The following ZNF135 variants were observed in gnomAD, a reference collection of about 807,000 sequenced individuals.
ZNF135 encodes zinc finger protein 135 (clone pHZ-17).
ZNF135 carries 11 observed loss-of-function variants against 12.3 expected under a neutral mutation model. The ratio of observed to expected loss-of-function variants is 0.89; its 90% CI spans 0.56 to 1.48. The LOEUF (loss-of-function observed/expected upper bound fraction) is 1.48. ZNF135 is among the 40% of genes most tolerant of loss of function. ZNF135 has a pLI of 0.00. For synonymous variants in ZNF135, 316 were observed against 312.0 expected (o/e 1.01, Z -0.14); for missense variants, 722 against 815.7 (o/e 0.89, Z 1.40).
chr19:58,066,641 T>C (rs1376023134), intron 4 of ZNF135, 100 bp from the exon 5 acceptor site: 1 of 1,498,192 alleles, frequency 6.7e-7, no homozygotes, highest in East Asian at 2.3e-5. Context: ...CTTGAACGTT[T>C]CAAAATAATT....
chr19:58,067,558 G>C lies in ZNF135; in HGVS notation c.1074G>C (p.Glu358Asp). Residue 358 changes from glutamate (E) to aspartate (D), a missense_variant, in exon 5 of 5, where the codon GAG (glutamate) becomes GAC (aspartate). By Grantham distance (45) the Glu-to-Asp change is conservative (BLOSUM62 2). Transcript: ENST00000313434. ...GGGAGAAACCCTATCAGTGTGGTGA[G>C]TGTGGCAAGGCCTTCAGCCACAGCT... The part of the protein sequence containing the change: ...HTGEKPYQCG[E>D]CGKAFSHSSS... The C allele has an allele frequency of 6.2e-7, 1 of 1,613,640 alleles. No individual in the cohort carries two copies. The highest frequency in any genetic ancestry group is 8.5e-7 in the Non-Finnish European group (1 of 1,179,910).
At position 58,060,970 on chromosome 19, in the gene ZNF135, C is replaced by CA. The variant is rs576826158; in HGVS notation, c.34-601dup. On this transcript the variant is annotated intron_variant, in intron 2 of 4. Coordinates refer to ENST00000313434, the MANE Select transcript of ZNF135 (RefSeq NM_001289401.2). The surrounding 1 kb of genome is among the most constrained non-coding windows in gnomAD (Gnocchi z 4.9). ...TGAAACCCCGTCTCTACTAAAAATA[C>CA]AAAAAAAAATTAGCCGGGGGGGTGG... 2.9e-3 allele frequency among the ~76,000 whole-genome samples: 437 copies of CA among 151,120 alleles called. 5 individuals carry two copies. The highest frequency in any genetic ancestry group is 4.3e-3 in the East Asian group (22 of 5,130).
chr19:58,059,341 A>AGGCCC lies in ZNF135; in HGVS notation c.-35+35_-35+36insCGGCC. ...CTAGGCCGGCGAGGAGGGGGAGGGG[A>AGGCCC]GGCCAGGCCGGGCCGGGCCGGGCCG... On this transcript the variant is annotated intron_variant, in intron 1 of 4. Coordinates refer to ENST00000313434, the MANE Select transcript of ZNF135 (RefSeq NM_001289401.2). The surrounding 1 kb of genome is among the most constrained non-coding windows in gnomAD (Gnocchi z 6.5). 3 of 1,170,216 alleles carry AGGCCC rather than the reference A, an allele frequency of 2.6e-6. No homozygotes were observed. The highest frequency in any genetic ancestry group is 3.2e-6 in the Non-Finnish European group (3 of 925,544). The allele number at this position is 1,170,216 out of a possible 1,614,324, so 72.5% of individuals were successfully genotyped here. A position where few individuals can be genotyped will look rare whatever the true frequency, so the allele number is the denominator to read the frequency against.
In ZNF135 at chr19:58,067,196, G is replaced by A. The variant is rs760143771; in HGVS notation, c.712G>A (p.Gly238Arg). ...TATCGAACACCACCGGACGCACACA[G>A]GAGAGAGACCTTACGAATGTCACGA... is the stretch of plus-strand genomic sequence containing the variant. ...ALIEHHRTHT[G>R]ERPYECHECL... Residue 238 changes from glycine to arginine, a missense_variant, in exon 5 of 5, where the codon GGA becomes AGA. Coordinates refer to ENST00000313434, the MANE Select transcript of ZNF135 (RefSeq NM_001289401.2). The A allele has an allele frequency of 6.2e-7, 1 of 1,614,122 alleles. No individual in the cohort carries two copies. Among genetic ancestry groups the A allele is most frequent in the Admixed American group, 1.7e-5 (1 of 60,022 alleles).
In ZNF135 at chr19:58,059,729, T is replaced by C. The variant is rs948811426; in HGVS notation, c.-34-240T>C. On this transcript the variant is annotated intron_variant, in intron 1 of 4. Transcript: ENST00000313434. The surrounding 1 kb of genome is among the most constrained non-coding windows in gnomAD (Gnocchi z 6.5). ...CACTGTAGCGTTAAGGCTCAGAGTC[T>C]GCGCAGCAGATATGTGTCCGCACCC... 1 of 576,388 alleles carries C rather than the reference T, an allele frequency of 1.7e-6. No homozygotes were observed. The highest frequency in any genetic ancestry group is 2.3e-5 in the South Asian group (1 of 43,924). The allele number at this position is 576,388 out of a possible 1,614,324, so 35.7% of individuals were successfully genotyped here. A position where few individuals can be genotyped will look rare whatever the true frequency, so the allele number is the denominator to read the frequency against.
rs779431582 is a variant in ZNF135, at chr19:58,063,542, G to A, written c.256+1G>A. The A allele has an allele frequency of 6.2e-7, 1 of 1,614,114 alleles. No individual in the cohort carries two copies. Among genetic ancestry groups the A allele is most frequent in the Non-Finnish European group, 8.5e-7 (1 of 1,179,988 alleles). On this transcript the variant is annotated splice_donor_variant, in intron 4 of 4. Coordinates refer to ENST00000313434, the MANE Select transcript of ZNF135 (RefSeq NM_001289401.2). LOFTEE classifies it high-confidence loss of function. This position sits in a 1 kb window ranked among gnomAD's most constrained non-coding sequence, Gnocchi z 4.4. Reference sequence around the variant, plus strand: ...AGACTTCCCCAAGGCGTGTACCCAGGTGAGATGGGAGCCCTTCGGGGCAGA... The same window carrying A: ...AGACTTCCCCAAGGCGTGTACCCAGATGAGATGGGAGCCCTTCGGGGCAGA...
intron 3 of ZNF135, among the ~76,000 whole-genome samples, chr19:58,061,997 TAGG>T: frequency 6.6e-6 from 1 of 152,312 alleles, no homozygotes; most frequent in Non-Finnish European, 1.5e-5. Context: ...GTAGAGCTGT[TAGG>T]AGCCCCTCCT....
chr19:58,064,564 T>C (rs1198654730), intron 4 of ZNF135, among the ~76,000 whole-genome samples: 1 of 152,130 alleles, frequency 6.6e-6, no homozygotes, highest in African/African-American at 2.4e-5. Flanking sequence ...TAAGAACACA[T>C]TATATAATAC....
At position 58,066,963 on chromosome 19, in the gene ZNF135, G is replaced by C; in HGVS notation, c.479G>C (p.Trp160Ser). Reference protein sequence around the residue: ...TPVKTPVLEQWQRNGFGENIS... With the variant: ...TPVKTPVLEQSQRNGFGENIS... ...GTGAAGACGCCTGTTCTGGAGCAGT[G>C]GCAGAGGAATGGGTTTGGGGAAAAC... Residue 160 changes from tryptophan to serine, a missense_variant, in exon 5 of 5, where the codon TGG becomes TCG. Transcript: ENST00000313434. 1 of 1,614,206 alleles carries C rather than the reference G, an allele frequency of 6.2e-7. No individual in the cohort carries two copies. The highest frequency in any genetic ancestry group is 1.7e-5 in the Admixed American group (1 of 60,022).
chr19:58,062,870 T>C (rs971393125), intron 3 of ZNF135, among the ~76,000 whole-genome samples: 5 of 152,062 alleles, frequency 3.3e-5, no homozygotes, highest in Non-Finnish European at 5.9e-5. Flanking sequence ...TTTAAAATTT[T>C]TGTAGAGACG....
In ZNF135 at chr19:58,067,458, C is replaced by G. The variant is rs2074093175; in HGVS notation, c.974C>G (p.Pro325Arg). 1.2e-6 allele frequency: 2 copies of G among 1,614,176 alleles called. No individual in the cohort carries two copies. Among genetic ancestry groups the G allele is most frequent in the African/African-American group, 2.7e-5 (2 of 75,032 alleles). The part of the protein sequence containing the change: ...QHERTHTGEK[P>R]YECSECGKAF... ...GAGCGAACTCACACAGGCGAGAAGC[C>G]CTACGAGTGCAGTGAGTGTGGGAAA... The change falls in exon 5 of 5, where the codon CCC becomes CGC. Residue 325 changes from proline (P) to arginine (R), a missense_variant. Coordinates refer to ENST00000313434, the MANE Select transcript of ZNF135 (RefSeq NM_001289401.2).
Position 58,068,084 on chromosome 19 carries a change from C to T in ZNF135, c.1600C>T (p.Leu534Phe), listed in dbSNP as rs1274478877. 6.2e-7 allele frequency: 1 copy of T among 1,612,794 alleles called. No homozygotes were observed. Among genetic ancestry groups the T allele is most frequent in the East Asian group, 2.2e-5 (1 of 44,744 alleles). ...CCAGTGTGGCAGAGCCTTCAGCCAG[C>T]TTGCTCCCCTCATTCAGCATCAGAG... ...CNQCGRAFSQ[L>F]APLIQHQRIH... Residue 534 changes from leucine to phenylalanine, a missense_variant, in exon 5 of 5, where the codon CTT (leucine) becomes TTT (phenylalanine). Physicochemically the swap from Leu to Phe is conservative, Grantham distance 22. Transcript: ENST00000313434.
Position 58,060,059 on chromosome 19 carries a change from CGT to C in ZNF135, c.33+27_33+28del. On this transcript the variant is annotated intron_variant, in intron 2 of 4. Transcript: ENST00000313434. The surrounding 1 kb of genome is among the most constrained non-coding windows in gnomAD (Gnocchi z 4.9). ...CGGTGAGAATCTCGGCCTCCTTGCGCGTGTCCTCCACCTCGTGCCCGGCCTCC... is the reference window on the plus strand; with the variant it reads ...CGGTGAGAATCTCGGCCTCCTTGCGCGTCCTCCACCTCGTGCCCGGCCTCC... 1 of 1,612,798 alleles carries C rather than the reference CGT, an allele frequency of 6.2e-7. No homozygotes were observed. Among genetic ancestry groups the C allele is most frequent in the Non-Finnish European group, 8.5e-7 (1 of 1,179,788 alleles).
rs2073931511 is a variant in ZNF135, at chr19:58,059,568, C to T, written c.-35+258C>T. Among the ~76,000 whole-genome samples, 2 of 152,112 alleles carry T rather than the reference C, an allele frequency of 1.3e-5. No homozygotes were observed. The highest frequency in any genetic ancestry group is 1.9e-4 in the East Asian group (1 of 5,166). On this transcript the variant is annotated intron_variant, in intron 1 of 4. Coordinates refer to ENST00000313434, the MANE Select transcript of ZNF135 (RefSeq NM_001289401.2). The surrounding 1 kb of genome is among the most constrained non-coding windows in gnomAD (Gnocchi z 6.5). ...CTGGACAGGAGCTGCTCCGACGGCC[C>T]CTGAGGGAACGCGCGCCCCGCCCCT...
Position 58,063,465 on chromosome 19 carries a change from G to A in ZNF135, c.180G>A (p.Pro60=), listed in dbSNP as rs755663365. 16 of 1,614,082 alleles carry A rather than the reference G, an allele frequency of 9.9e-6. No homozygotes were observed. The highest frequency in any genetic ancestry group is 1.7e-5 in the Admixed American group (1 of 60,020). The change falls in exon 4 of 5, where the codon CCG becomes CCA. Residue 60 remains proline (P), a synonymous_variant. Coordinates refer to ENST00000313434, the MANE Select transcript of ZNF135 (RefSeq NM_001289401.2). This position sits in a 1 kb window ranked among gnomAD's most constrained non-coding sequence, Gnocchi z 4.4. ...LVSVGHWLPK[P]NVISLLEQEA... ...GAGCAGGACATTGGTTACCGAAGCCGAATGTCATCTCCCTGCTGGAGCAAG... is the reference window on the plus strand; with the variant it reads ...GAGCAGGACATTGGTTACCGAAGCCAAATGTCATCTCCCTGCTGGAGCAAG...
In ZNF135 at chr19:58,068,688, G is replaced by C; in HGVS notation, c.*227G>C. The C allele has an allele frequency of 1.8e-6, 1 of 544,250 alleles. No individual in the cohort carries two copies. Among genetic ancestry groups the C allele is most frequent in the Admixed American group, 3.3e-5 (1 of 30,250 alleles). 33.7% of individuals were successfully genotyped at this position (544,250 alleles called of 1,614,324 possible). A position where few individuals can be genotyped will look rare whatever the true frequency, so the allele number is the denominator to read the frequency against. On this transcript the variant is annotated 3_prime_UTR_variant, in exon 5 of 5. Coordinates refer to ENST00000313434, the MANE Select transcript of ZNF135 (RefSeq NM_001289401.2). Reference sequence around the variant, plus strand: ...CATCCAAATAGTAGGGAAACGTGGAGATAATCAACACTCAGGACCTTCAGC... The same window carrying C: ...CATCCAAATAGTAGGGAAACGTGGACATAATCAACACTCAGGACCTTCAGC...
rs1418084442 is a variant in ZNF135, at chr19:58,063,853, G to T, written c.256+312G>T. 1 of 367,810 alleles carries T rather than the reference G, an allele frequency of 2.7e-6. No individual in the cohort carries two copies. Among genetic ancestry groups the T allele is most frequent in the South Asian group, 1.1e-4 (1 of 9,146 alleles). 22.8% of individuals were successfully genotyped at this position (367,810 alleles called of 1,614,324 possible). ...GAGCAATGAGGTAGACTAGGAGGGG[G>T]ATGAGTAGACTTTAGCAGAGAGATG... On this transcript the variant is annotated intron_variant, in intron 4 of 4. Transcript: ENST00000313434. This position sits in a 1 kb window ranked among gnomAD's most constrained non-coding sequence, Gnocchi z 4.4.
Position 58,068,132 on chromosome 19 carries a change from T to C in ZNF135, c.1648T>C (p.Tyr550His), listed in dbSNP as rs775563730. ...GAGGATCCACACAGGAGAGAAACCC[T>C]ATGAATGTAACCAGTGTGGCAGAGC... ...HQRIHTGEKP[Y>H]ECNQCGRAFS... Residue 550 changes from tyrosine (Y) to histidine (H), a missense_variant, in exon 5 of 5, where the codon TAT becomes CAT. Transcript: ENST00000313434. 30 of 1,613,986 alleles carry C rather than the reference T, an allele frequency of 1.9e-5. 1 individual carries two copies. Among genetic ancestry groups the C allele is most frequent in the East Asian group, 2.2e-5 (1 of 44,878 alleles).
Position 58,060,388 on chromosome 19 carries a change from C to G in ZNF135, c.33+353C>G. The G allele has an allele frequency of 8.1e-7, 1 of 1,237,786 alleles. No homozygotes were observed. The highest frequency in any genetic ancestry group is 1.0e-6 in the Non-Finnish European group (1 of 980,090). 76.7% of individuals were successfully genotyped at this position (1,237,786 alleles called of 1,614,324 possible). A position where few individuals can be genotyped will look rare whatever the true frequency, so the allele number is the denominator to read the frequency against. On this transcript the variant is annotated intron_variant, in intron 2 of 4. Transcript: ENST00000313434. The surrounding 1 kb of genome is among the most constrained non-coding windows in gnomAD (Gnocchi z 4.9). ...CCTGCCTCTGAAAGGACCGCCCACG[C>G]CGCGCTGGAGGTCAGCGGGCACGGG...
Sources: allele counts gnomAD v4.1 joint callset (sites outside exome capture counted in the v4.1 genomes callset), GRCh38; gene constraint gnomAD v4.1.1; non-coding constraint Gnocchi (gnomAD v3.1); transcripts MANE v1.5; gene names NCBI Gene and HGNC (gene_info 2026-07-23, HGNC 2026-07-21).